The following ADGRA1 variants were observed in gnomAD, a reference collection of about 807,000 sequenced individuals.
ADGRA1 encodes G-protein coupled receptor 123.
A neutral mutation model predicts 21.3 loss-of-function variants in ADGRA1; 12 were observed. The ratio of observed to expected loss-of-function variants is 0.56; its 90% CI spans 0.36 to 0.91. The LOEUF is 0.91. Among genes scored for constraint, ADGRA1 ranks in the 40% least tolerant of loss-of-function variants. The probability of loss-of-function intolerance (pLI) is 0.01; values close to 1 mark genes in which losing one functional copy is unlikely to be tolerated. For missense variants in ADGRA1, 790 were observed against 805.6 expected (o/e 0.98, Z 0.23); for synonymous variants, 385 against 368.8 (o/e 1.04, Z -0.50).
At chr10:133,089,127 G>A in intron 2 of ADGRA1, 10 of 844,808 alleles carry the variant, frequency 1.2e-5, no homozygotes, top group Non-Finnish European at 1.6e-5. Flanking sequence ...GCTGGGTGCT[G>A]ATCATACTAA....
At chr10:133,098,897 C>CACA in intron 4 of ADGRA1, 134 bp downstream of exon 4, 1 of 1,183,452 alleles carries the variant, frequency 8.4e-7, no homozygotes, top group Non-Finnish European at 1.2e-6. Context: ...ACATCGGTGT[C>CACA]TCGGCTTCAC....
intron 2 of ADGRA1, among the ~76,000 whole-genome samples, chr10:133,094,076 C>T (rs1007796825): frequency 5.9e-5 from 9 of 152,402 alleles, no homozygotes; most frequent in Non-Finnish European, 4.4e-5. Context: ...CCAGCTCACG[C>T]GGCAGCTCCA....
intron 2 of ADGRA1, chr10:133,093,037 G>A: frequency 1.9e-6 from 3 of 1,595,414 alleles, no homozygotes; most frequent in Middle Eastern, 1.7e-4. Flanking sequence ...TGCAGACCTG[G>A]CCCCGGACAC....
intron 2 of ADGRA1, among the ~76,000 whole-genome samples, chr10:133,092,121 G>A (rs1364166252): frequency 2.0e-5 from 3 of 152,260 alleles, no homozygotes; most frequent in Non-Finnish European, 4.4e-5. Context: ...CCTCTGCCAG[G>A]AATGGGCATT....
At chr10:133,121,977 ATG>A (rs1230245623) in intron 5 of ADGRA1, among the ~76,000 whole-genome samples, 2 of 95,462 alleles carry the variant, frequency 2.1e-5, no homozygotes, top group African/African-American at 9.1e-5. Context: ...GCCTGTGTGT[ATG>A]TGTGTGCCTG....
intron 5 of ADGRA1, among the ~76,000 whole-genome samples, chr10:133,117,112 C>A (rs564062685): frequency 4.1e-4 from 62 of 152,258 alleles, no homozygotes; most frequent in African/African-American, 1.5e-3. Context: ...TATGAGCCAG[C>A]TGGTCGCCAG....
chr10:133,092,976 G>A (rs772165012), intron 2 of ADGRA1: 2 of 1,588,852 alleles, frequency 1.3e-6, no homozygotes, highest in Admixed American at 3.4e-5. Context: ...TGCAGACCTG[G>A]CCCCGGACAC....
At chr10:133,114,851 G>A (rs12241850) in intron 5 of ADGRA1, among the ~76,000 whole-genome samples, 2,722 of 152,216 alleles carry the variant, frequency 0.018, 78 homozygotes, top group African/African-American at 0.062. Flanking sequence ...CCGCCCCTGC[G>A]CCCCTGCACC....
chr10:133,090,559 T>C (rs1851581558), intron 2 of ADGRA1, among the ~76,000 whole-genome samples: 1 of 152,200 alleles, frequency 6.6e-6, no homozygotes, highest in South Asian at 2.1e-4. Context: ...GTTCACAGCG[T>C]AGTGTGACAG....
intron 5 of ADGRA1, among the ~76,000 whole-genome samples, chr10:133,106,775 G>T (rs557271059): frequency 2.0e-5 from 3 of 152,254 alleles, no homozygotes; most frequent in Non-Finnish European, 2.9e-5. Context: ...CGAGGCCAAA[G>T]ACCCTCACAG....
chr10:133,096,540 T>C (rs1162406536), intron 2 of ADGRA1, among the ~76,000 whole-genome samples: 1 of 152,146 alleles, frequency 6.6e-6, no homozygotes, highest in Non-Finnish European at 1.5e-5. Context: ...TTTCGATGAG[T>C]GTGGGGCTCC....
Position 133,128,830 on chromosome 10 carries a change from C to G in ADGRA1, c.1002C>G (p.Asn334Lys), listed in dbSNP as rs745625039. ...RKDAHPALDANGAALGRAACL... is the reference protein window; with the variant it reads ...RKDAHPALDAKGAALGRAACL... ...ACGCCCACCCCGCACTTGACGCCAA[C>G]GGGGCCGCGCTGGGCCGCGCCGCCT... is the stretch of plus-strand genomic sequence containing the variant. Residue 334 changes from asparagine (N) to lysine (K), a missense_variant, in exon 7 of 7, where the codon AAC becomes AAG. Physicochemically the swap from Asn to Lys is moderately conservative, Grantham distance 94. Transcript: ENST00000392607. 5 of 1,598,654 alleles carry G rather than the reference C, an allele frequency of 3.1e-6. No homozygotes were observed. In the African/African-American group the frequency reaches 5.4e-5, roughly 17 times the overall value.
In ADGRA1 at chr10:133,127,195, G is replaced by A. The variant is rs1564855568; in HGVS notation, c.402-38G>A. Reference sequence around the variant, plus strand: ...AGCGCTGACCCCGGAGGATGCAGGCGGCGTCTGCAAGGGGGTCAACGCCTT... The same window carrying A: ...AGCGCTGACCCCGGAGGATGCAGGCAGCGTCTGCAAGGGGGTCAACGCCTT... On this transcript the variant is annotated intron_variant, in intron 5 of 6. Transcript: ENST00000392607. 2.2e-6 allele frequency: 3 copies of A among 1,373,336 alleles called. No individual in the cohort carries two copies. In the African/African-American group the frequency reaches 4.5e-5, roughly 20 times the overall value. 85.1% of individuals were successfully genotyped at this position (1,373,336 alleles called of 1,614,324 possible).
At chr10:133,095,660 T>C in intron 2 of ADGRA1, 1 of 1,595,484 alleles carries the variant, frequency 6.3e-7, no homozygotes. Context: ...GAGCACCCTC[T>C]GTCCACGGTG....
Position 133,128,824 on chromosome 10 carries a change from C to A in ADGRA1, c.996C>A (p.Asp332Glu), listed in dbSNP as rs770749898. The A allele has an allele frequency of 1.2e-6, 2 of 1,603,398 alleles. No individual in the cohort carries two copies. Among genetic ancestry groups the A allele is most frequent in the Non-Finnish European group, 1.7e-6 (2 of 1,176,314 alleles). ...GCAAGGACGCCCACCCCGCACTTGA[C>A]GCCAACGGGGCCGCGCTGGGCCGCG... ...PPRKDAHPALDANGAALGRAA... is the reference protein window; with the variant it reads ...PPRKDAHPALEANGAALGRAA... The change falls in exon 7 of 7, where the codon GAC becomes GAA. Residue 332 changes from aspartate (D) to glutamate (E), a missense_variant. By Grantham distance (45) the Asp-to-Glu change is conservative. Around this residue, in one of 3 missense-constraint regions of ADGRA1, gnomAD observed 391 missense variants for 351.5 expected, o/e 1.11. Coordinates refer to ENST00000392607, the MANE Select transcript of ADGRA1 (RefSeq NM_001083909.3).
Position 133,127,308 on chromosome 10 carries a change from G to A in ADGRA1, c.477G>A (p.Gly159=). ...CTGCCACGAACATCAGGAATTACGG[G>A]ACAGAGGACGAGGACACGGCGTAGT... is the stretch of plus-strand genomic sequence containing the variant. ...VTAATNIRNY[G]TEDEDTAYCW... The change falls in exon 6 of 7, where the codon GGG becomes GGA. Residue 159 remains glycine (G), a synonymous_variant. Coordinates refer to ENST00000392607, the MANE Select transcript of ADGRA1 (RefSeq NM_001083909.3). 1 of 1,600,374 alleles carries A rather than the reference G, an allele frequency of 6.2e-7. No individual in the cohort carries two copies. Among genetic ancestry groups the A allele is most frequent in the African/African-American group, 1.3e-5 (1 of 74,136 alleles).
At chr10:133,088,568 G>T (rs376606095) in intron 1 of ADGRA1, 140 bp from the exon 2 acceptor site, 4 of 390,980 alleles carry the variant, frequency 1.0e-5, no homozygotes, top group Non-Finnish European at 1.6e-5. Flanking sequence ...GCCTCCGCCA[G>T]CCCCAGGCGC....
chr10:133,088,962 G>T (rs368615525), intron 2 of ADGRA1, 50 bp downstream of exon 2: 13 of 1,235,502 alleles, frequency 1.1e-5, no homozygotes, highest in South Asian at 4.1e-5. Context: ...AGGCCGCTGC[G>T]GGGGGGCGGC....
rs372079983 is a variant in ADGRA1, at chr10:133,113,481, C to A, written c.401+10639C>A. Among the ~76,000 whole-genome samples the A allele has an allele frequency of 6.6e-5, 10 of 152,342 alleles. No homozygotes were observed. The East Asian group carries it at 1.9e-3, about 29-fold the overall frequency. ...TGGGAACCCTCTCTAGGCCACAGGG[C>A]AAACTCTGGAGACTGCCTTGGGCTT... is the stretch of plus-strand genomic sequence containing the variant. On this transcript the variant is annotated intron_variant, in intron 5 of 6. Coordinates refer to ENST00000392607, the MANE Select transcript of ADGRA1 (RefSeq NM_001083909.3).
Sources: gnomAD v4.1 joint callset for allele counts (sites outside exome capture counted in the v4.1 genomes callset) on GRCh38, gnomAD v4.1.1 for gene constraint, gnomAD v4.1.1 regional missense constraint, MANE v1.5 for transcripts, NCBI Gene and HGNC (gene_info 2026-07-23, HGNC 2026-07-21) for gene names.